Variants in OSTF1 observed in about 807,000 individuals in gnomAD.
OSTF1 encodes the protein osteoclast-stimulating factor 1.
A neutral mutation model predicts 37.2 loss-of-function variants in OSTF1; 27 were observed. The ratio of observed to expected loss-of-function variants is 0.73; its 90% CI spans 0.54 to 1.00. The LOEUF is 1.00. OSTF1 is among the 50% of genes least tolerant of loss of function. The probability of loss-of-function intolerance (pLI) is 0.00; values close to 1 mark genes in which losing one functional copy is unlikely to be tolerated. For missense variants in OSTF1, 232 were observed against 253.8 expected, an observed-to-expected ratio of 0.91 and a Z score of 0.58; for synonymous variants, 82 against 89.2, an observed-to-expected ratio of 0.92 and a Z score of 0.46.
chr9:75,146,357 A>G, intron 9 of OSTF1, among the ~76,000 whole-genome samples: 1 of 152,240 alleles, frequency 6.6e-6, no homozygotes, highest in African/African-American at 2.4e-5. Context: ...AGGAGGTTGG[A>G]AGCTCAGTTG....
intron 1 of OSTF1, among the ~76,000 whole-genome samples, 163 bp from the exon 2 acceptor site, chr9:75,117,341 C>G (rs1825506746): frequency 6.6e-6 from 1 of 152,126 alleles, no homozygotes; most frequent in Non-Finnish European, 1.5e-5. Flanking sequence ...AAATCTCTCC[C>G]TGTCCTTCCT....
intron 1 of OSTF1, among the ~76,000 whole-genome samples, chr9:75,096,869 G>A (rs748748010): frequency 2.6e-5 from 4 of 152,156 alleles, no homozygotes; most frequent in Non-Finnish European, 5.9e-5. Context: ...GAGGATCTCG[G>A]AGTCTCATCC....
Position 75,131,751 on chromosome 9 carries a change from C to G in OSTF1, c.197-19C>G. ...GTGGCAATTCCACATTGGGTTAACA[C>G]TTTTTATTTTCAATCTAGTGGCTGA... On this transcript the variant is annotated intron_variant, in intron 4 of 9. Transcript: ENST00000346234. 4 of 1,608,924 alleles carry G rather than the reference C, an allele frequency of 2.5e-6. No homozygotes were observed. The highest frequency in any genetic ancestry group is 3.4e-6 in the Non-Finnish European group (4 of 1,175,410).
At chr9:75,093,722 A>C (rs1825023216) in intron 1 of OSTF1, among the ~76,000 whole-genome samples, 1 of 152,266 alleles carries the variant, frequency 6.6e-6, no homozygotes, top group African/African-American at 2.4e-5. Flanking sequence ...TCTAAAATGA[A>C]CTTAATTTTT....
intron 1 of OSTF1, among the ~76,000 whole-genome samples, chr9:75,091,886 T>C (rs1460924531): frequency 6.6e-6 from 1 of 152,206 alleles, no homozygotes; most frequent in Non-Finnish European, 1.5e-5. Context: ...AAAATTAAAA[T>C]GTGTCACTTA....
intron 1 of OSTF1, among the ~76,000 whole-genome samples, chr9:75,111,676 G>A (rs1053729242): frequency 6.6e-6 from 1 of 151,966 alleles, no homozygotes; most frequent in Non-Finnish European, 1.5e-5. Context: ...TATGTCACTA[G>A]ACTTTGATGA....
intron 1 of OSTF1, among the ~76,000 whole-genome samples, chr9:75,103,584 C>A (rs1304193672): frequency 6.6e-6 from 1 of 152,200 alleles, no homozygotes; most frequent in East Asian, 1.9e-4. Flanking sequence ...TAAGTATATA[C>A]CCCAGAAGCT....
chr9:75,104,363 C>T (rs1825249042), intron 1 of OSTF1, among the ~76,000 whole-genome samples: 2 of 152,044 alleles, frequency 1.3e-5, no homozygotes, highest in South Asian at 4.1e-4. Flanking sequence ...TGGGTAACAG[C>T]AAGACCCTGT....
intron 1 of OSTF1, among the ~76,000 whole-genome samples, chr9:75,096,045 C>T (rs1335397927): frequency 6.6e-6 from 1 of 152,124 alleles, no homozygotes; most frequent in Non-Finnish European, 1.5e-5. Flanking sequence ...GCGCCCGCCA[C>T]CACGCCTGGC....
At chr9:75,123,107 G>C (rs1825605842) in intron 2 of OSTF1, among the ~76,000 whole-genome samples, 1 of 152,192 alleles carries the variant, frequency 6.6e-6, no homozygotes, top group African/African-American at 2.4e-5. Flanking sequence ...CAAGGAGAGA[G>C]GAAAGGAGGA....
intron 1 of OSTF1, among the ~76,000 whole-genome samples, chr9:75,106,599 C>T (rs1353710804): frequency 6.9e-5 from 9 of 129,936 alleles, no homozygotes; most frequent in African/African-American, 1.8e-4. Flanking sequence ...GAGTTGAGGT[C>T]GTGCCATTGC....
At chr9:75,130,775 A>G in intron 4 of OSTF1, 134 bp downstream of exon 4, 1 of 640,156 alleles carries the variant, frequency 1.6e-6, no homozygotes, top group African/African-American at 1.8e-5. Flanking sequence ...CTATTCCATG[A>G]GCCTTCTGTT....
At chr9:75,101,150 G>C (rs758506162) in intron 1 of OSTF1, among the ~76,000 whole-genome samples, 2 of 152,024 alleles carry the variant, frequency 1.3e-5, no homozygotes, top group Non-Finnish European at 2.9e-5. Flanking sequence ...AAACAATCTC[G>C]ACTCTCAGGA....
intron 9 of OSTF1, among the ~76,000 whole-genome samples, chr9:75,145,282 A>T (rs2118650431): frequency 6.6e-6 from 1 of 152,258 alleles, no homozygotes; most frequent in South Asian, 2.1e-4. Context: ...AGCTAGCCAG[A>T]GGTTTGATCC....
At chr9:75,124,686 T>C (rs577217419) in intron 2 of OSTF1, among the ~76,000 whole-genome samples, 3 of 152,272 alleles carry the variant, frequency 2.0e-5, no homozygotes, top group African/African-American at 7.2e-5. Flanking sequence ...TACTCCCTAT[T>C]CCCCCTGACT....
At position 75,119,214 on chromosome 9, in the gene OSTF1, T is replaced by C. The variant is rs144424726; in HGVS notation, c.81+1664T>C. Among the ~76,000 whole-genome samples the C allele has an allele frequency of 3.9e-5, 6 of 152,328 alleles. No individual in the cohort carries two copies. The East Asian group carries it at 1.2e-3, about 29-fold the overall frequency. ...TGAAAGTGGGGATACCATTCTGCAG[T>C]GGAACCATGCTGTGAGCATGGAGTG... On this transcript the variant is annotated intron_variant, in intron 2 of 9. Transcript: ENST00000346234.
At chr9:75,131,734 T>G in intron 4 of OSTF1, 36 bp from the exon 5 acceptor site, 5 of 1,563,298 alleles carry the variant, frequency 3.2e-6, no homozygotes, top group Middle Eastern at 3.3e-4. Flanking sequence ...GTGTGGCAAT[T>G]CCACATTGGG....
rs187460246 is a variant in OSTF1, at chr9:75,133,457, C to T, written c.358+56C>T. On this transcript the variant is annotated intron_variant, in intron 6 of 9. Transcript: ENST00000346234. ...TGCTGCTGAAAATGTGTTTCACCTA[C>T]GGGAGCCAGATTTACAAAAAATGAG... 36 of 1,034,182 alleles carry T rather than the reference C, an allele frequency of 3.5e-5. No homozygotes were observed. The East Asian group carries it at 4.6e-4, about 13-fold the overall frequency. The allele number at this position is 1,034,182 out of a possible 1,614,324, so 64.1% of individuals were successfully genotyped here.
At chr9:75,089,238 T>C (rs1025702687) in intron 1 of OSTF1, among the ~76,000 whole-genome samples, 18 of 150,502 alleles carry the variant, frequency 1.2e-4, no homozygotes, top group African/African-American at 4.4e-4. Context: ...GAAATTGACC[T>C]CGGGATCTTG....
Sources: gnomAD v4.1 joint callset for allele counts (sites outside exome capture counted in the v4.1 genomes callset) on GRCh38, gnomAD v4.1.1 for gene constraint, MANE v1.5 for transcripts, NCBI Gene and HGNC (gene_info 2026-07-23, HGNC 2026-07-21) for gene names.